The following ZNF124 variants were observed in gnomAD, a reference collection of about 807,000 sequenced individuals.
The protein encoded by ZNF124 is zinc finger protein HZF-16.
ZNF124 carries 25 observed loss-of-function variants against 26.6 expected under a neutral mutation model. The ratio of observed to expected loss-of-function variants is 0.94; its 90% CI spans 0.68 to 1.31. The LOEUF (loss-of-function observed/expected upper bound fraction) is 1.31, where lower values mean the gene tolerates loss of function less well. ZNF124 is among the 40% of genes most tolerant of loss of function. The pLI, the probability that ZNF124 is intolerant of heterozygous loss-of-function variation, is 0.00. For synonymous variants in ZNF124, 129 were observed against 133.3 expected (o/e 0.97, Z 0.22); for missense variants, 444 against 422.2 (o/e 1.05, Z -0.45).
downstream of ZNF124, among the ~76,000 whole-genome samples, chr1:247,152,796 G>A (rs1369755199): frequency 6.6e-6 from 1 of 152,116 alleles, no homozygotes; most frequent in Non-Finnish European, 1.5e-5. Context: ...CAGTTCTATG[G>A]AGATGAGTGA....
Position 247,156,945 on chromosome 1 carries a change from C to T in ZNF124, c.677G>A (p.Arg226Lys), listed in dbSNP as rs1673173789. Reference protein sequence around the residue: ...RYSNCLHYHERTHTGEKPYVC... With the variant: ...RYSNCLHYHEKTHTGEKPYVC... ...ATAAGGTTTCTCTCCAGTGTGAGTT[C>T]TTTCATGGTAATGAAGGCAATTGGA... The change falls in exon 4 of 4, where the codon AGA (arginine) becomes AAA (lysine). Residue 226 changes from arginine to lysine, a missense_variant. Transcript: ENST00000543802. The T allele has an allele frequency of 1.2e-6, 2 of 1,612,950 alleles. No homozygotes were observed. Among genetic ancestry groups the T allele is most frequent in the Non-Finnish European group, 1.7e-6 (2 of 1,179,410 alleles).
intron 2 of ZNF124, 69 bp downstream of exon 2, chr1:247,159,618 G>C (rs1183897192): frequency 6.5e-7 from 1 of 1,533,568 alleles, no homozygotes; most frequent in Non-Finnish European, 8.9e-7. Flanking sequence ...CCAAATCATG[G>C]AATGACATTG....
chr1:247,124,453 G>A (rs1029069183), intron 3 of ZNF124, among the ~76,000 whole-genome samples: 1 of 151,360 alleles, frequency 6.6e-6, no homozygotes, highest in Non-Finnish European at 1.5e-5. Context: ...TACCCGCCGC[G>A]GCTTCCCAAA....
downstream of ZNF124, among the ~76,000 whole-genome samples, chr1:247,153,402 G>GAC (rs1424345109): frequency 1.1e-3 from 169 of 152,290 alleles, 2 homozygotes; most frequent in Non-Finnish European, 3.2e-4. Flanking sequence ...TCTAAATTCA[G>GAC]ACACTGGACA....
intron 3 of ZNF124, among the ~76,000 whole-genome samples, chr1:247,131,350 C>T (rs1358626338): frequency 6.6e-6 from 1 of 152,220 alleles, no homozygotes; most frequent in East Asian, 1.9e-4. Context: ...GCCACCGAGG[C>T]CTGCCGTCCC....
downstream of ZNF124, among the ~76,000 whole-genome samples, chr1:247,153,654 G>C (rs1046819844): frequency 6.6e-6 from 1 of 152,168 alleles, no homozygotes; most frequent in African/African-American, 2.4e-5. Context: ...GACCATCTGT[G>C]TGATTAAGGG....
rs750945691 is a variant in ZNF124, at chr1:247,159,768, C to A, written c.76G>T (p.Glu26Ter). ...EDVAVNFTQE[E>*]WALLDPSQKN... ...TGGGAAGGATCCAACAAAGCCCACT[C>A]CTCCTGGGTGAAGTTCACAGCCACA... Residue 26 changes from glutamate (E) to a stop codon, truncating the protein, a stop_gained, in exon 2 of 4, where the codon GAG becomes TAG. Coordinates refer to ENST00000543802, the MANE Select transcript of ZNF124 (RefSeq NM_001297568.2). LOFTEE classifies it high-confidence loss of function. 3 of 1,613,766 alleles carry A rather than the reference C, an allele frequency of 1.9e-6. No homozygotes were observed. Among genetic ancestry groups the A allele is most frequent in the Non-Finnish European group, 2.5e-6 (3 of 1,179,924 alleles).
In ZNF124 at chr1:247,127,487, A is replaced by G. The variant is rs1471624358; in HGVS notation, c.219-3616T>C. ...CACCCCTCATATTGTCTTATGCCCA[A>G]TTTCTGCCTCCAAAGAAAGAAGAAG... On this transcript the variant is annotated intron_variant, in intron 3 of 3. Transcript: ENST00000472531. Among the ~76,000 whole-genome samples the G allele has an allele frequency of 6.4e-4, 70 of 109,004 alleles. No homozygotes were observed. The Middle Eastern group carries it at 0.025, about 39-fold the overall frequency. The allele number at this position is 109,004 out of a possible 152,430, so 71.5% of individuals were successfully genotyped here.
chr1:247,166,839 C>G (rs1673806275), intron 1 of ZNF124, among the ~76,000 whole-genome samples: 1 of 152,192 alleles, frequency 6.6e-6, no homozygotes, highest in Non-Finnish European at 1.5e-5. Flanking sequence ...CAGAAATCCT[C>G]ACTTAAATAC....
At chr1:247,167,851 AAACTC>A (rs1230634872) in intron 1 of ZNF124, among the ~76,000 whole-genome samples, 2 of 152,204 alleles carry the variant, frequency 1.3e-5, no homozygotes, top group African/African-American at 4.8e-5. Context: ...AATTCACAAA[AAACTC>A]AAATCAGCAA....
rs1673050748 is a variant in ZNF124, at chr1:247,155,038, C to CATG, written c.*1525_*1527dup. 6.6e-6 allele frequency among the ~76,000 whole-genome samples: 1 copy of CATG among 152,200 alleles called. No individual in the cohort carries two copies. The highest frequency in any genetic ancestry group is 1.5e-5 in the Non-Finnish European group (1 of 68,030). ...TTAAAAACCCTCAGCTAACATCATA[C>CATG]ATGATGATAAGACTGGATGCTTTCT... is the stretch of plus-strand genomic sequence containing the variant. On this transcript the variant is annotated 3_prime_UTR_variant, in exon 4 of 4. Coordinates refer to ENST00000543802, the MANE Select transcript of ZNF124 (RefSeq NM_001297568.2).
Position 247,157,004 on chromosome 1 carries a change from A to G in ZNF124, c.618T>C (p.Tyr206=). The G allele has an allele frequency of 1.2e-6, 2 of 1,613,970 alleles. No homozygotes were observed. Among genetic ancestry groups the G allele is most frequent in the South Asian group, 1.1e-5 (1 of 91,072 alleles). The part of the protein sequence containing the change: ...HERTHTGEKP[Y]ECKHCGKAFR... ...AGGCTTTCCCACAGTGCTTACATTC[A>G]TAGGGTTTCTCTCCAGTATGAGTTC... is the stretch of plus-strand genomic sequence containing the variant. The change falls in exon 4 of 4, where the codon TAT becomes TAC. Residue 206 remains tyrosine (Y), a synonymous_variant. Transcript: ENST00000543802.
chr1:247,159,659 C>G lies in ZNF124; in HGVS notation c.157+28G>C, dbSNP rs765775752. On this transcript the variant is annotated intron_variant, in intron 2 of 3. Transcript: ENST00000543802. ...CATGAAACACTTACTTTCTGATTGACTAAGTGAAGAAATATTGTGATTCTT... is the reference window on the plus strand; with the variant it reads ...CATGAAACACTTACTTTCTGATTGAGTAAGTGAAGAAATATTGTGATTCTT... 8.7e-6 allele frequency: 14 copies of G among 1,603,726 alleles called. 1 individual carries two copies. In the Admixed American group the frequency reaches 2.4e-4, roughly 28 times the overall value.
chr1:247,128,554 C>T (rs1170658447), intron 3 of ZNF124, among the ~76,000 whole-genome samples: 7 of 148,798 alleles, frequency 4.7e-5, no homozygotes, highest in Non-Finnish European at 8.9e-5. Flanking sequence ...CCCCTGGGAC[C>T]GAGAGGAGTC....
downstream of ZNF124, among the ~76,000 whole-genome samples, chr1:247,152,372 T>A (rs548961567): frequency 6.6e-6 from 1 of 150,946 alleles, no homozygotes; most frequent in South Asian, 2.1e-4. Context: ...AAAGTAGAAT[T>A]CTATTAAAAT....
chr1:247,167,788 G>A (rs1392660307), intron 1 of ZNF124, among the ~76,000 whole-genome samples: 1 of 152,172 alleles, frequency 6.6e-6, no homozygotes, highest in Non-Finnish European at 1.5e-5. Context: ...ACAACCCACA[G>A]AGTGGGAGAA....
chr1:247,139,189 G>A (rs997685170), intron 3 of ZNF124, among the ~76,000 whole-genome samples: 10 of 152,206 alleles, frequency 6.6e-5, no homozygotes, highest in African/African-American at 2.4e-4. Context: ...TCATGGATGC[G>A]TGTCCTCAAC....
intron 3 of ZNF124, among the ~76,000 whole-genome samples, chr1:247,148,007 A>G (rs1207187283): frequency 1.3e-5 from 2 of 152,236 alleles, no homozygotes; most frequent in African/African-American, 2.4e-5. Context: ...GCAAGGCACC[A>G]ACACCCACAT....
At position 247,155,640 on chromosome 1, in the gene ZNF124, T is replaced by C. The variant is rs1160711523; in HGVS notation, c.*926A>G. On this transcript the variant is annotated 3_prime_UTR_variant, in exon 4 of 4. Transcript: ENST00000543802. Reference sequence around the variant, plus strand: ...ACTTTGGGAGGCTGAAGCGGGCGGATCACGAGGTCAGGAGATTGAGACCAT... The same window carrying C: ...ACTTTGGGAGGCTGAAGCGGGCGGACCACGAGGTCAGGAGATTGAGACCAT... 2.0e-5 allele frequency among the ~76,000 whole-genome samples: 3 copies of C among 152,090 alleles called. No homozygotes were observed. The highest frequency in any genetic ancestry group is 4.4e-5 in the Non-Finnish European group (3 of 68,008).
Sources: allele counts gnomAD v4.1 joint callset (sites outside exome capture counted in the v4.1 genomes callset), GRCh38; gene constraint gnomAD v4.1.1; transcripts MANE v1.5; gene names NCBI Gene and HGNC (gene_info 2026-07-23, HGNC 2026-07-21).